TRIM49B: variants seen among roughly 807,000 people sequenced by gnomAD.
TRIM49B encodes putative tripartite motif-containing protein 49B.
In TRIM49B, 18 loss-of-function variants were observed where a neutral mutation model predicts 31.8. The ratio of observed to expected loss-of-function variants is 0.57; its 90% CI spans 0.39 to 0.84. The LOEUF (loss-of-function observed/expected upper bound fraction) is 0.84, where lower values mean the gene tolerates loss of function less well. TRIM49B is among the 40% of genes least tolerant of loss of function. The probability of loss-of-function intolerance (pLI) is 0.00; values close to 1 mark genes in which losing one functional copy is unlikely to be tolerated. For missense variants in TRIM49B, 494 were observed against 538.7 expected (o/e 0.92, Z 0.82); for synonymous variants, 196 against 180.6 (o/e 1.09, Z -0.68).
At chr11:49,030,718 C>T (rs941866744) in intron 1 of TRIM49B, among the ~76,000 whole-genome samples, 1 of 152,174 alleles carries the variant, frequency 6.6e-6, no homozygotes, top group Non-Finnish European at 1.5e-5. Flanking sequence ...TTCACAGACT[C>T]ACCCACAAAC....
intron 5 of TRIM49B, among the ~76,000 whole-genome samples, chr11:49,036,058 A>G (rs556691074): frequency 8.1e-6 from 1 of 123,506 alleles, no homozygotes; most frequent in Non-Finnish European, 1.7e-5. Context: ...CCATAAAGCT[A>G]AGGAACCTTA....
chr11:49,031,892 A>T lies in TRIM49B; in HGVS notation c.293A>T (p.Glu98Val), dbSNP rs758021803. 1.2e-6 allele frequency: 2 copies of T among 1,613,150 alleles called. No homozygotes were observed. Among genetic ancestry groups the T allele is most frequent in the East Asian group, 4.5e-5 (2 of 44,876 alleles). The change falls in exon 2 of 7, where the codon GAG (glutamate) becomes GTG (valine). Residue 98 changes from glutamate to valine, a missense_variant. Glu to Val is a moderately radical substitution (Grantham distance 121). Coordinates refer to ENST00000332682, the MANE Select transcript of TRIM49B (RefSeq NM_001206626.2). ...SEEQMCGTHRETKKMFCEVDR... is the reference protein window; with the variant it reads ...SEEQMCGTHRVTKKMFCEVDR... The stretch of plus-strand genomic sequence containing the variant: ...GAGCAAATGTGTGGCACTCACAGGG[A>T]GACAAAGAAGATGTTCTGTGAAGTG...
chr11:49,037,569 T>A lies in TRIM49B; in HGVS notation c.951T>A (p.Asp317Glu), dbSNP rs1334352073. The change falls in exon 7 of 7, where the codon GAT (aspartate) becomes GAA (glutamate). Residue 317 changes from aspartate (D) to glutamate (E), a missense_variant. Around this residue, in one of 3 missense-constraint regions of TRIM49B, gnomAD observed 233 missense variants for 281.4 expected, o/e 0.83. Coordinates refer to ENST00000332682, the MANE Select transcript of TRIM49B (RefSeq NM_001206626.2). ...RSMCIGCDHQ[D>E]VPYFTATPRS... ...TGTGTATTGGATGTGACCATCAAGATGTACCCTATTTCACTGCAACACCTA... is the reference window on the plus strand; with the variant it reads ...TGTGTATTGGATGTGACCATCAAGAAGTACCCTATTTCACTGCAACACCTA... 15 of 1,614,080 alleles carry A rather than the reference T, an allele frequency of 9.3e-6. No homozygotes were observed. Among genetic ancestry groups the A allele is most frequent in the Non-Finnish European group, 3.4e-6 (4 of 1,180,044 alleles).
At chr11:49,034,459 A>G in intron 4 of TRIM49B, 83 bp downstream of exon 4, 1 of 1,611,110 alleles carries the variant, frequency 6.2e-7, no homozygotes, top group Non-Finnish European at 8.5e-7. Flanking sequence ...CATCTCCCTA[A>G]TTTTATTTCC....
chr11:49,036,198 G>A lies in TRIM49B; in HGVS notation c.762-103G>A, dbSNP rs1319399504. ...AGGAATAATTTTTGAATTATCAAATGTGTAGATTCAAAGGATTCTCATGAA... is the reference window on the plus strand; with the variant it reads ...AGGAATAATTTTTGAATTATCAAATATGTAGATTCAAAGGATTCTCATGAA... On this transcript the variant is annotated intron_variant, in intron 5 of 6. Transcript: ENST00000332682. The A allele has an allele frequency of 1.4e-5, 22 of 1,555,880 alleles. No individual in the cohort carries two copies. The East Asian group carries it at 4.4e-4, about 31-fold the overall frequency.
At chr11:49,030,625 G>A (rs928570957) in intron 1 of TRIM49B, among the ~76,000 whole-genome samples, 12 of 152,030 alleles carry the variant, frequency 7.9e-5, no homozygotes, top group Non-Finnish European at 1.8e-4. Context: ...GGTGTCAGCT[G>A]ACTGGATGGT....
chr11:49,034,073 A>C lies in TRIM49B; in HGVS notation c.508-73A>C, dbSNP rs1335805053. On this transcript the variant is annotated intron_variant, in intron 3 of 6. Coordinates refer to ENST00000332682, the MANE Select transcript of TRIM49B (RefSeq NM_001206626.2). ...TTGAACTATTGGACATTCGAGAGAC[A>C]AAAGGAATCAGTGAGATTTAATAGG... 6.2e-6 allele frequency: 10 copies of C among 1,608,398 alleles called. No individual in the cohort carries two copies. The Admixed American group carries it at 1.3e-4, about 21-fold the overall frequency.
Position 49,034,163 on chromosome 11 carries a change from G to A in TRIM49B, c.525G>A (p.Arg175=). ...TRCWKDYVNL[R]LEAIRAEYQK... The stretch of plus-strand genomic sequence containing the variant: ...CACTGCAGGATTATGTGAATTTAAG[G>A]CTAGAAGCAATTAGAGCTGAGTATC... The change falls in exon 4 of 7, where the codon AGG becomes AGA. Residue 175 remains arginine, a synonymous_variant. Transcript: ENST00000332682. 1 of 1,611,828 alleles carries A rather than the reference G, an allele frequency of 6.2e-7. No homozygotes were observed. The highest frequency in any genetic ancestry group is 8.5e-7 in the Non-Finnish European group (1 of 1,179,788).
Position 49,038,085 on chromosome 11 carries a change from C to T in TRIM49B, c.*108C>T. On this transcript the variant is annotated 3_prime_UTR_variant, in exon 7 of 7. Coordinates refer to ENST00000332682, the MANE Select transcript of TRIM49B (RefSeq NM_001206626.2). Reference sequence around the variant, plus strand: ...AGGACAAATAGGCTCTATTTTATATCTTGAATTGCCTTCTAATGTTATCAA... The same window carrying T: ...AGGACAAATAGGCTCTATTTTATATTTTGAATTGCCTTCTAATGTTATCAA... The T allele has an allele frequency of 1.9e-6, 3 of 1,553,998 alleles. No homozygotes were observed. The highest frequency in any genetic ancestry group is 2.6e-6 in the Non-Finnish European group (3 of 1,159,000).
At position 49,032,348 on chromosome 11, in the gene TRIM49B, A is replaced by G; in HGVS notation, c.484A>G (p.Thr162Ala). 1 of 1,613,332 alleles carries G rather than the reference A, an allele frequency of 6.2e-7. No homozygotes were observed. The highest frequency in any genetic ancestry group is 8.5e-7 in the Non-Finnish European group (1 of 1,179,608). Reference sequence around the variant, plus strand: ...AAATCACAGAAACCTGAATGTGGAAACCACCAGAACCAGATGCTGGAAGGT... The same window carrying G: ...AAATCACAGAAACCTGAATGTGGAAGCCACCAGAACCAGATGCTGGAAGGT... The part of the protein sequence containing the change: ...CENHRNLNVE[T>A]TRTRCWKDYV... Residue 162 changes from threonine (T) to alanine (A), a missense_variant, in exon 3 of 7, where the codon ACC becomes GCC. By Grantham distance (58) the Thr-to-Ala change is moderately conservative. Coordinates refer to ENST00000332682, the MANE Select transcript of TRIM49B (RefSeq NM_001206626.2).
chr11:49,033,004 A>AAAAAC (rs1411315349), intron 3 of TRIM49B, among the ~76,000 whole-genome samples: 4 of 152,232 alleles, frequency 2.6e-5, no homozygotes, highest in African/African-American at 9.6e-5. Flanking sequence ...AGGACTTCAG[A>AAAAAC]AAAACATTAA....
chr11:49,032,910 A>C (rs1036776141), intron 3 of TRIM49B, among the ~76,000 whole-genome samples: 1 of 152,228 alleles, frequency 6.6e-6, no homozygotes, highest in Non-Finnish European at 1.5e-5. Flanking sequence ...AAAAGTGGTG[A>C]GAAATACGGA....
chr11:49,031,646 C>T lies in TRIM49B; in HGVS notation c.47C>T (p.Pro16Leu), dbSNP rs564111008. ...GTCTTTCAGAGGGAACTCATCTGCC[C>T]CATCTGCATGAACTACTTCATAGAC... ...LQVFQRELIC[P>L]ICMNYFIDPV... The change falls in exon 2 of 7, where the codon CCC (proline) becomes CTC (leucine). Residue 16 changes from proline to leucine, a missense_variant. Pro to Leu is a moderately conservative substitution (Grantham distance 98). Transcript: ENST00000332682. 3.7e-6 allele frequency: 6 copies of T among 1,613,920 alleles called. No homozygotes were observed. The highest frequency in any genetic ancestry group is 2.2e-5 in the East Asian group (1 of 44,878).
In TRIM49B at chr11:49,030,214, G is replaced by A. The variant is rs1854427873; in HGVS notation, c.-5+1239G>A. ...TAGCCAGGCCTAGTGTCACGTTCCT[G>A]TAATCCCAGGTACTTGGGAACCTGA... On this transcript the variant is annotated intron_variant, in intron 1 of 6. Coordinates refer to ENST00000332682, the MANE Select transcript of TRIM49B (RefSeq NM_001206626.2). Among the ~76,000 whole-genome samples the A allele has an allele frequency of 2.0e-5, 3 of 152,088 alleles. 1 individual carries two copies. The highest frequency in any genetic ancestry group is 4.1e-4 in the South Asian group (2 of 4,834).
chr11:49,031,935 T>C lies in TRIM49B; in HGVS notation c.336T>C (p.Cys112=), dbSNP rs772192944. ...GTGAAGTGGACAGGAGCCTGCTCTG[T>C]TTGCTGTGCTCCAGCTCTCAGGAGC... The part of the protein sequence containing the change: ...MFCEVDRSLL[C]LLCSSSQEHR... The change falls in exon 2 of 7, where the codon TGT becomes TGC. Residue 112 remains cysteine, a synonymous_variant. Transcript: ENST00000332682. 15 of 1,611,994 alleles carry C rather than the reference T, an allele frequency of 9.3e-6. 1 individual carries two copies. The South Asian group carries it at 1.2e-4, about 13-fold the overall frequency.
Position 49,035,339 on chromosome 11 carries a change from A to ATTTTTTTTTTTTTTTT in TRIM49B, c.761+245_761+260dup, listed in dbSNP as rs1162056301. 9.2e-4 allele frequency among the ~76,000 whole-genome samples: 52 copies of ATTTTTTTTTTTTTTTT among 56,808 alleles called. 6 individuals carry two copies. The highest frequency in any genetic ancestry group is 1.9e-3 in the African/African-American group (25 of 13,460). The allele number at this position is 56,808 out of a possible 152,430, so 37.3% of individuals were successfully genotyped here. ...ACTAAAACAAACAATTTGATTCCTG[A>ATTTTTTTTTTTTTTTT]TTTTTTTTTTTTTTTTTTTTTTTTT... On this transcript the variant is annotated intron_variant, in intron 5 of 6. Transcript: ENST00000332682.
chr11:49,031,627 C>T lies in TRIM49B; in HGVS notation c.28C>T (p.Gln10Ter), dbSNP rs1218492953. The stretch of plus-strand genomic sequence containing the variant: ...GAATTCTGGAATCTTACAGGTCTTT[C>T]AGAGGGAACTCATCTGCCCCATCTG... MNSGILQVFQRELICPICMN... is the reference protein window; with the variant it reads MNSGILQVF The change falls in exon 2 of 7, where the codon CAG (glutamine) becomes TAG (stop). Residue 10 changes from glutamine to a stop codon, truncating the protein, a stop_gained. Transcript: ENST00000332682. LOFTEE classifies it high-confidence loss of function. 6.2e-7 allele frequency: 1 copy of T among 1,613,808 alleles called. No homozygotes were observed. The highest frequency in any genetic ancestry group is 8.5e-7 in the Non-Finnish European group (1 of 1,179,874).
intron 5 of TRIM49B, among the ~76,000 whole-genome samples, chr11:49,035,517 A>C (rs910189820): frequency 3.3e-5 from 5 of 151,114 alleles, no homozygotes; most frequent in African/African-American, 1.2e-4. Context: ...CCGCCACCAC[A>C]CCCGGCTAAT....
chr11:49,035,925 T>C (rs996985057), intron 5 of TRIM49B, among the ~76,000 whole-genome samples: 2 of 152,134 alleles, frequency 1.3e-5, no homozygotes, highest in Non-Finnish European at 2.9e-5. Flanking sequence ...TTTCCATTCT[T>C]TATCTTGAGA....
Sources: gnomAD v4.1 joint callset for allele counts (sites outside exome capture counted in the v4.1 genomes callset) on GRCh38, gnomAD v4.1.1 for gene constraint, gnomAD v4.1.1 regional missense constraint, MANE v1.5 for transcripts, NCBI Gene and HGNC (gene_info 2026-07-23, HGNC 2026-07-21) for gene names.